The following SEL1L3 variants were observed in gnomAD, a reference collection of about 807,000 sequenced individuals.
The protein encoded by SEL1L3 is SEL1L family member 3.
A neutral mutation model predicts 142.8 loss-of-function variants in SEL1L3; 76 were observed. The observed-to-expected ratio is 0.53, with a 90% confidence interval of 0.44 to 0.64. SEL1L3 has a LOEUF of 0.64. SEL1L3 is among the 30% of genes least tolerant of loss of function. The pLI, the probability that SEL1L3 is intolerant of heterozygous loss-of-function variation, is 0.00. For missense variants in SEL1L3, 1,262 were observed against 1,381.7 expected, an observed-to-expected ratio of 0.91 and a Z score of 1.37; for synonymous variants, 504 against 519.6, an observed-to-expected ratio of 0.97 and a Z score of 0.41.
intron 11 of SEL1L3, among the ~76,000 whole-genome samples, chr4:25,796,368 G>A (rs1048058615): frequency 2.6e-5 from 4 of 152,004 alleles, no homozygotes; most frequent in Admixed American, 1.3e-4. Context: ...GCTGAGGCAG[G>A]CATATCACTT....
intron 10 of SEL1L3, among the ~76,000 whole-genome samples, chr4:25,803,050 C>A (rs1411368610): frequency 6.6e-6 from 1 of 152,208 alleles, no homozygotes; most frequent in African/African-American, 2.4e-5. Context: ...CACCAGCCAA[C>A]CATCCTAAGT....
At chr4:25,851,956 A>C (rs1478208780) in intron 1 of SEL1L3, among the ~76,000 whole-genome samples, 1 of 151,724 alleles carries the variant, frequency 6.6e-6, no homozygotes, top group Non-Finnish European at 1.5e-5. Flanking sequence ...GGAATAGGAG[A>C]AGAGCTGGTG....
chr4:25,846,148 A>G (rs1184200343), intron 2 of SEL1L3, among the ~76,000 whole-genome samples: 2 of 152,180 alleles, frequency 1.3e-5, no homozygotes, highest in African/African-American at 2.4e-5. Context: ...GCTGGCAGGC[A>G]CTCGGCATCC....
chr4:25,825,796 TCCC>T (rs990721677), intron 6 of SEL1L3, among the ~76,000 whole-genome samples: 7 of 145,244 alleles, frequency 4.8e-5, no homozygotes, highest in African/African-American at 1.8e-4. Context: ...TGCCTCAGCC[TCCC>T]GAGTAGCTGG....
chr4:25,789,177 C>T (rs1577605134), intron 12 of SEL1L3, among the ~76,000 whole-genome samples: 2 of 152,300 alleles, frequency 1.3e-5, no homozygotes. Flanking sequence ...CTTCTTTCTG[C>T]TTCTCCTCTC....
At chr4:25,810,090 C>T (rs1191661331) in intron 9 of SEL1L3, among the ~76,000 whole-genome samples, 1 of 152,212 alleles carries the variant, frequency 6.6e-6, no homozygotes, top group Admixed American at 6.5e-5. Flanking sequence ...CCCAGGGAGC[C>T]GAGCCCAACC....
chr4:25,789,317 G>A (rs1025191803), intron 12 of SEL1L3, among the ~76,000 whole-genome samples: 4 of 152,084 alleles, frequency 2.6e-5, no homozygotes, highest in African/African-American at 7.2e-5. Flanking sequence ...CAGGTGTGGT[G>A]GGCCTTAATT....
At chr4:25,751,668 T>C (rs935646084) in intron 23 of SEL1L3, among the ~76,000 whole-genome samples, 1 of 148,832 alleles carries the variant, frequency 6.7e-6, no homozygotes, top group Admixed American at 6.7e-5. Context: ...TAAATAAATA[T>C]ATGTTCTTTA....
intron 23 of SEL1L3, among the ~76,000 whole-genome samples, chr4:25,754,289 C>T (rs868265808): frequency 6.0e-5 from 9 of 149,232 alleles, no homozygotes; most frequent in South Asian, 2.2e-4. Context: ...GCAACAAGAG[C>T]GAAAGTCAAT....
intron 23 of SEL1L3, chr4:25,755,953 A>C (rs1431147482): frequency 2.0e-6 from 2 of 985,278 alleles, no homozygotes; most frequent in Non-Finnish European, 2.4e-6. Context: ...GCATGAGTGA[A>C]GTTTATTAAC....
chr4:25,767,674 C>T, intron 18 of SEL1L3, 65 bp from the exon 19 acceptor site: 1 of 1,468,956 alleles, frequency 6.8e-7, no homozygotes, highest in Non-Finnish European at 9.4e-7. Flanking sequence ...AACGTTGCCT[C>T]CATAAAACCC....
intron 13 of SEL1L3, among the ~76,000 whole-genome samples, chr4:25,787,409 C>T (rs886273410): frequency 6.6e-6 from 1 of 152,158 alleles, no homozygotes; most frequent in Admixed American, 6.5e-5. Flanking sequence ...CAACCTCTGC[C>T]TCCCAGGTTC....
At chr4:25,854,498 G>A (rs962665783) in intron 1 of SEL1L3, among the ~76,000 whole-genome samples, 13 of 152,106 alleles carry the variant, frequency 8.5e-5, no homozygotes, top group African/African-American at 3.1e-4. Flanking sequence ...GGCTGCTCTC[G>A]AACTTCTGAC....
chr4:25,760,399 C>T (rs1231197419), intron 20 of SEL1L3, among the ~76,000 whole-genome samples: 8 of 152,146 alleles, frequency 5.3e-5, no homozygotes, highest in Admixed American at 5.2e-4. Flanking sequence ...CATGTGTCTT[C>T]ATAACAGAAC....
chr4:25,813,027 C>T (rs972232104), intron 9 of SEL1L3, among the ~76,000 whole-genome samples: 2 of 152,132 alleles, frequency 1.3e-5, no homozygotes, highest in African/African-American at 4.8e-5. Flanking sequence ...AACATACAAA[C>T]AAACAAAACA....
intron 9 of SEL1L3, among the ~76,000 whole-genome samples, chr4:25,814,001 G>A (rs531177114): frequency 6.6e-6 from 1 of 152,322 alleles, no homozygotes; most frequent in South Asian, 2.1e-4. Context: ...ATCACACAGT[G>A]TGGGGGAAAG....
chr4:25,762,908 G>A (rs1718472767), intron 20 of SEL1L3, among the ~76,000 whole-genome samples: 1 of 151,618 alleles, frequency 6.6e-6, no homozygotes, highest in South Asian at 2.1e-4. Flanking sequence ...CCTGGGAGGC[G>A]GAAGTTGCAG....
chr4:25,760,531 T>C (rs1012129694), intron 20 of SEL1L3, among the ~76,000 whole-genome samples: 1 of 152,208 alleles, frequency 6.6e-6, no homozygotes, highest in African/African-American at 2.4e-5. Flanking sequence ...TAAGTGTTAT[T>C]TCTCTTTGCA....
At chr4:25,852,399 A>C (rs531593997) in intron 1 of SEL1L3, among the ~76,000 whole-genome samples, 1 of 152,338 alleles carries the variant, frequency 6.6e-6, no homozygotes, top group Admixed American at 6.5e-5. Flanking sequence ...TTCTGCTTCC[A>C]CATGAATAGG....
Sources: allele counts gnomAD v4.1 joint callset (sites outside exome capture counted in the v4.1 genomes callset), GRCh38; gene constraint gnomAD v4.1.1; transcripts MANE v1.5; gene names NCBI Gene and HGNC (gene_info 2026-07-23, HGNC 2026-07-21).